Variants in EPHA7 observed in about 807,000 individuals in gnomAD.
The protein encoded by EPHA7 is ephrin type-A receptor 7.
EPHA7 carries 25 observed loss-of-function variants against 112.6 expected under a neutral mutation model. The observed-to-expected ratio is 0.22, with a 90% CI of 0.16 to 0.31. EPHA7 has a LOEUF of 0.31. Ranked by LOEUF, EPHA7 falls within the 10% of genes least tolerant of loss-of-function variation. The pLI is 1.00. For synonymous variants in EPHA7, 437 were observed against 406.5 expected (o/e 1.07, Z -0.90); for missense variants, 962 against 1,212.6 (o/e 0.79, Z 3.07).
At chr6:93,403,020 C>T (rs995282819) in intron 3 of EPHA7, among the ~76,000 whole-genome samples, 9 of 151,952 alleles carry the variant, frequency 5.9e-5, no homozygotes, top group Non-Finnish European at 1.2e-4. Context: ...GTTATATTAT[C>T]TTCACATGAA....
intron 9 of EPHA7, among the ~76,000 whole-genome samples, chr6:93,262,537 T>G (rs954559938): frequency 6.6e-6 from 1 of 151,430 alleles, no homozygotes; most frequent in African/African-American, 2.4e-5. Context: ...AAAAAAGGCC[T>G]GTGAAAGTAA....
intron 9 of EPHA7, among the ~76,000 whole-genome samples, chr6:93,261,562 T>C (rs1770690410): frequency 6.6e-6 from 1 of 151,574 alleles, no homozygotes; most frequent in South Asian, 2.1e-4. Context: ...ATATGTTAAG[T>C]GCACTTTTTT....
In EPHA7 at chr6:93,258,187, T is replaced by C. The variant is rs763320931; in HGVS notation, c.2022A>G (p.Lys674=). Residue 674 remains lysine (K), a synonymous_variant, in exon 11 of 17, where the codon AAA becomes AAG. Coordinates refer to ENST00000369303, the MANE Select transcript of EPHA7 (RefSeq NM_004440.4). ...IKTLKVGYTE[K]QRRDFLCEAS... ...CTTCACACAAAAAGTCTCTCCTTTG[T>C]TTTTCTGTGTAACCAACTTTCAGGG... The C allele has an allele frequency of 6.2e-7, 1 of 1,613,330 alleles. No homozygotes were observed. The highest frequency in any genetic ancestry group is 1.3e-5 in the African/African-American group (1 of 74,882).
chr6:93,312,406 C>CTT (rs35085502), intron 5 of EPHA7, among the ~76,000 whole-genome samples: 8 of 150,844 alleles, frequency 5.3e-5, no homozygotes, highest in East Asian at 2.0e-4. Context: ...GAGATGGCTC[C>CTT]TTTTTTTTTA....
intron 3 of EPHA7, among the ~76,000 whole-genome samples, chr6:93,372,707 A>C (rs954738202): frequency 6.6e-6 from 1 of 152,108 alleles, no homozygotes; most frequent in Non-Finnish European, 1.5e-5. Flanking sequence ...TAGGTTGTCC[A>C]AACTTTTAAA....
intron 3 of EPHA7, among the ~76,000 whole-genome samples, chr6:93,394,017 G>A (rs1224010236): frequency 1.3e-5 from 2 of 151,678 alleles, no homozygotes; most frequent in African/African-American, 2.4e-5. Context: ...AGAGGCTCCT[G>A]TCATTTCTGA....
At chr6:93,279,272 T>C (rs1771615808) in intron 5 of EPHA7, among the ~76,000 whole-genome samples, 1 of 152,150 alleles carries the variant, frequency 6.6e-6, no homozygotes, top group Non-Finnish European at 1.5e-5. Flanking sequence ...ATTTATGCTG[T>C]ATTTTATAAC....
intron 5 of EPHA7, among the ~76,000 whole-genome samples, chr6:93,325,292 C>G (rs939749926): frequency 2.4e-4 from 37 of 151,168 alleles, no homozygotes; most frequent in African/African-American, 8.7e-4. Flanking sequence ...CTCACTTATT[C>G]TTTTTTAATA....
At chr6:93,401,169 G>A (rs571191557) in intron 3 of EPHA7, among the ~76,000 whole-genome samples, 8 of 151,820 alleles carry the variant, frequency 5.3e-5, no homozygotes, top group South Asian at 2.1e-4. Context: ...AATACATTAG[G>A]AGCAAGAGAT....
chr6:93,281,872 A>T (rs1771757350), intron 5 of EPHA7, among the ~76,000 whole-genome samples: 1 of 152,062 alleles, frequency 6.6e-6, no homozygotes, highest in Admixed American at 6.6e-5. Context: ...TTTAAATTTG[A>T]TGTACAATAA....
intron 3 of EPHA7, among the ~76,000 whole-genome samples, chr6:93,370,989 CAAAAAAA>C (rs1231694778): frequency 3.3e-5 from 3 of 90,078 alleles, no homozygotes; most frequent in African/African-American, 8.0e-5. Context: ...ACGAAAAATA[CAAAAAAA>C]AAAAAAAGAA....
intron 5 of EPHA7, among the ~76,000 whole-genome samples, chr6:93,346,352 A>C (rs1446991172): frequency 6.6e-6 from 1 of 151,746 alleles, no homozygotes; most frequent in Non-Finnish European, 1.5e-5. Context: ...TACCGCTTCA[A>C]TAACACTTAG....
chr6:93,400,257 G>A (rs1778375607), intron 3 of EPHA7, among the ~76,000 whole-genome samples: 1 of 151,660 alleles, frequency 6.6e-6, no homozygotes, highest in Admixed American at 6.6e-5. Flanking sequence ...AATGCCATTT[G>A]GTATTATTTT....
intron 3 of EPHA7, among the ~76,000 whole-genome samples, chr6:93,394,238 T>C (rs1778052552): frequency 6.6e-6 from 1 of 151,818 alleles, no homozygotes; most frequent in Non-Finnish European, 1.5e-5. Flanking sequence ...TTAGTAGCTG[T>C]ATGTGCAGAT....
chr6:93,356,263 A>G (rs1775939579), intron 5 of EPHA7, among the ~76,000 whole-genome samples: 1 of 151,488 alleles, frequency 6.6e-6, no homozygotes, highest in African/African-American at 2.4e-5. Flanking sequence ...GCTGGAGTGC[A>G]GTGGCACGAT....
At chr6:93,371,415 T>C (rs1776790626) in intron 3 of EPHA7, among the ~76,000 whole-genome samples, 1 of 152,198 alleles carries the variant, frequency 6.6e-6, no homozygotes, top group Non-Finnish European at 1.5e-5. Flanking sequence ...ATAGTTTATA[T>C]GCAAATACTA....
intron 3 of EPHA7, among the ~76,000 whole-genome samples, chr6:93,393,622 G>A (rs565509219): frequency 2.0e-5 from 3 of 151,832 alleles, no homozygotes; most frequent in East Asian, 1.9e-4. Flanking sequence ...AAATCTCTAA[G>A]CTCCCAGGGC....
intron 5 of EPHA7, among the ~76,000 whole-genome samples, chr6:93,310,672 A>G (rs903277475): frequency 6.6e-6 from 1 of 152,174 alleles, no homozygotes; most frequent in Non-Finnish European, 1.5e-5. Context: ...AAAAAAAAAA[A>G]AAAAGTTACG....
rs561755412 is a variant in EPHA7 at position 93,263,536 on chromosome 6, G to C, written c.1798+324C>G. ...AACCTGACATGACATTCCTTAGCTA[G>C]AGAAGGGGCACATGCAACCTTTAAT... On this transcript the variant is annotated intron_variant, in intron 9 of 16. Coordinates refer to ENST00000369303, the MANE Select transcript of EPHA7 (RefSeq NM_004440.4). 2.6e-5 allele frequency among the ~76,000 whole-genome samples: 4 copies of C among 151,480 alleles called. No homozygotes were observed. The East Asian group carries it at 7.8e-4, about 29-fold the overall frequency.
Sources: gnomAD v4.1 joint callset for allele counts (sites outside exome capture counted in the v4.1 genomes callset) on GRCh38, gnomAD v4.1.1 for gene constraint, MANE v1.5 for transcripts, NCBI Gene and HGNC (gene_info 2026-07-23, HGNC 2026-07-21) for gene names.